The following ADAMTS17 variants were observed in gnomAD, a reference collection of about 807,000 sequenced individuals.
The protein encoded by ADAMTS17 is A disintegrin and metalloproteinase with thrombospondin motifs 17.
A neutral mutation model predicts 141.5 loss-of-function variants in ADAMTS17; 113 were observed. That is an observed-to-expected ratio of 0.80 (90% CI 0.69 to 0.93). The LOEUF (loss-of-function observed/expected upper bound fraction) is 0.93. Among genes scored for constraint, ADAMTS17 ranks in the 40% least tolerant of loss-of-function variants. The pLI, the probability that ADAMTS17 is intolerant of heterozygous loss-of-function variation, is 0.00. For synonymous variants in ADAMTS17, 768 were observed against 630.6 expected (o/e 1.22, Z -3.27); for missense variants, 1,659 against 1,517.9 (o/e 1.09, Z -1.54).
intron 5 of ADAMTS17, among the ~76,000 whole-genome samples, 188 bp downstream of exon 5, chr15:100,262,164 T>G (rs1003897965): frequency 2.0e-5 from 3 of 152,030 alleles, no homozygotes; most frequent in African/African-American, 7.3e-5. Flanking sequence ...TTCCCTGAGA[T>G]TCTCAACAGC....
chr15:100,182,292 T>C (rs77266716), intron 8 of ADAMTS17, among the ~76,000 whole-genome samples: 5,526 of 152,134 alleles, frequency 0.036, 165 homozygotes, highest in East Asian at 0.17. Flanking sequence ...TATAAAATGA[T>C]CAGATCTGGT....
In ADAMTS17 at chr15:99,978,356, G is replaced by C. The variant is rs111525734; in HGVS notation, c.2950-2134C>G. Among the ~76,000 whole-genome samples the C allele has an allele frequency of 2.9e-3, 438 of 152,244 alleles. 2 individuals carry two copies. The highest frequency in any genetic ancestry group is 9.1e-3 in the African/African-American group (377 of 41,520). On this transcript the variant is annotated intron_variant, in intron 20 of 21. Coordinates refer to ENST00000268070, the MANE Select transcript of ADAMTS17 (RefSeq NM_139057.4). Reference sequence around the variant, plus strand: ...TTCAGAGGGAATGTTGCTCTAAAGGGGCACTGCTTTTTTCAGCTCACAAAG... The same window carrying C: ...TTCAGAGGGAATGTTGCTCTAAAGGCGCACTGCTTTTTTCAGCTCACAAAG...
At chr15:100,310,786 G>C (rs917746583) in intron 3 of ADAMTS17, among the ~76,000 whole-genome samples, 16 of 152,174 alleles carry the variant, frequency 1.1e-4, no homozygotes, top group Non-Finnish European at 2.4e-4. Flanking sequence ...ACGGCAGGGG[G>C]TTTGATCTAC....
At chr15:100,092,920 G>A (rs185168156) in intron 15 of ADAMTS17, among the ~76,000 whole-genome samples, 2 of 152,188 alleles carry the variant, frequency 1.3e-5, no homozygotes, top group Admixed American at 6.5e-5. Context: ...GGAGCAGGGC[G>A]GAATAAAGAT....
intron 8 of ADAMTS17, among the ~76,000 whole-genome samples, chr15:100,157,185 C>A (rs1475587346): frequency 2.0e-5 from 3 of 152,164 alleles, no homozygotes; most frequent in African/African-American, 7.2e-5. Context: ...CCAATCACCT[C>A]CCAGCGGGTC....
At chr15:100,053,711 C>T (rs1164938000) in intron 16 of ADAMTS17, among the ~76,000 whole-genome samples, 186 bp downstream of exon 16, 1 of 152,102 alleles carries the variant, frequency 6.6e-6, no homozygotes, top group African/African-American at 2.4e-5. Context: ...GCAAGTTGTG[C>T]AAGGGACTGG....
chr15:100,157,888 CTT>C (rs1215411149), intron 8 of ADAMTS17, among the ~76,000 whole-genome samples: 7 of 141,404 alleles, frequency 5.0e-5, no homozygotes, highest in Non-Finnish European at 7.7e-5. Flanking sequence ...TAGCTATATT[CTT>C]TTTTTTTTTT....
At chr15:100,236,021 C>A (rs945941742) in intron 7 of ADAMTS17, among the ~76,000 whole-genome samples, 1 of 152,042 alleles carries the variant, frequency 6.6e-6, no homozygotes, top group African/African-American at 2.4e-5. Context: ...GGGGTAAATT[C>A]GATTCCTTGC....
chr15:100,252,306 C>G (rs2043179469), intron 7 of ADAMTS17, among the ~76,000 whole-genome samples: 1 of 152,158 alleles, frequency 6.6e-6, no homozygotes, highest in African/African-American at 2.4e-5. Flanking sequence ...TTCATTCATT[C>G]AGTTCTTCAT....
In ADAMTS17 at chr15:99,997,892, T is replaced by C. The variant is rs112248318; in HGVS notation, c.2592-303A>G. Among the ~76,000 whole-genome samples the C allele has an allele frequency of 7.8e-3, 1,194 of 152,190 alleles. 19 individuals carry two copies. The highest frequency in any genetic ancestry group is 0.027 in the African/African-American group (1,120 of 41,542). On this transcript the variant is annotated intron_variant, in intron 18 of 21. Transcript: ENST00000268070. This position sits in a 1 kb window ranked among gnomAD's most constrained non-coding sequence, Gnocchi z 4.7. ...GGAATTACGTATCTGCTTGTCGTCA[T>C]AGGACCTGCTTCTTTCGACAGGGTG...
At chr15:100,292,134 G>GTGGGGAGTCATGAGAGACGCTCAGCCCA (rs2044649650) in intron 3 of ADAMTS17, among the ~76,000 whole-genome samples, 2 of 151,076 alleles carry the variant, frequency 1.3e-5, no homozygotes, top group African/African-American at 4.9e-5. Context: ...CGCTCAGCCC[G>GTGGGGAGTCATGAGAGACGCTCAGCCCA]TGGGGAGTCA....
rs895585112 is a variant in ADAMTS17 at position 100,116,155 on chromosome 15, A to C, written c.1888+692T>G. Among the ~76,000 whole-genome samples, 8 of 151,492 alleles carry C rather than the reference A, an allele frequency of 5.3e-5. No individual in the cohort carries two copies. In the East Asian group the frequency reaches 1.5e-3, roughly 29 times the overall value. The stretch of plus-strand genomic sequence containing the variant: ...GGTAAAAAAAAAAAAAAAAAAAAAA[A>C]AAACCCAACAACCCTGAAGCGGGTC... On this transcript the variant is annotated intron_variant, in intron 13 of 21. Coordinates refer to ENST00000268070, the MANE Select transcript of ADAMTS17 (RefSeq NM_139057.4).
chr15:99,995,744 C>T (rs1345520195), intron 19 of ADAMTS17, among the ~76,000 whole-genome samples: 6 of 152,188 alleles, frequency 3.9e-5, no homozygotes, highest in South Asian at 2.1e-4. Context: ...GACTTCAGCA[C>T]GTGGGAAGCG....
chr15:100,341,328 G>A lies in ADAMTS17; in HGVS notation c.161C>T (p.Pro54Leu), dbSNP rs971548328. ...CCGCCGTCGGGGCCCGGGGGCTGCG[G>A]GCAGCGGCGGCAGGTGCACGTCGTC... is the stretch of plus-strand genomic sequence containing the variant. ...RPDDVHLPPL[P>L]AAPGPRRRRR... The change falls in exon 2 of 22, where the codon CCC becomes CTC. Residue 54 changes from proline (P) to leucine (L), a missense_variant. By Grantham distance (98) the Pro-to-Leu change is moderately conservative (BLOSUM62 -3). Transcript: ENST00000268070. The A allele has an allele frequency of 1.6e-5, 16 of 1,024,692 alleles. No homozygotes were observed. Among genetic ancestry groups the A allele is most frequent in the South Asian group, 1.3e-4 (3 of 22,552 alleles). The allele number at this position is 1,024,692 out of a possible 1,614,324, so 63.5% of individuals were successfully genotyped here.
At chr15:100,238,529 G>T (rs1378231827) in intron 7 of ADAMTS17, among the ~76,000 whole-genome samples, 1 of 152,210 alleles carries the variant, frequency 6.6e-6, no homozygotes, top group Non-Finnish European at 1.5e-5. Context: ...CCTGAACACA[G>T]AATCTGTGAT....
chr15:100,245,962 AC>A (rs2042974412), intron 7 of ADAMTS17, among the ~76,000 whole-genome samples: 1 of 151,486 alleles, frequency 6.6e-6, no homozygotes. Flanking sequence ...ATGTTTATTC[AC>A]CCCAGTCACT....
chr15:100,327,090 G>T (rs533550553), intron 3 of ADAMTS17, among the ~76,000 whole-genome samples: 1 of 152,266 alleles, frequency 6.6e-6, no homozygotes, highest in South Asian at 2.1e-4. Flanking sequence ...CCTTGGCGAT[G>T]ACCTTGAGCA....
chr15:100,009,565 G>C (rs1449153743), intron 18 of ADAMTS17, among the ~76,000 whole-genome samples: 2 of 152,164 alleles, frequency 1.3e-5, no homozygotes, highest in Non-Finnish European at 2.9e-5. Context: ...TCACAGGCTT[G>C]TTGGAGGCGT....
intron 7 of ADAMTS17, among the ~76,000 whole-genome samples, chr15:100,224,324 G>GGGTA (rs1011569034): frequency 6.0e-4 from 91 of 152,282 alleles, no homozygotes; most frequent in African/African-American, 2.0e-3. Flanking sequence ...GGAGGGTGGG[G>GGGTA]GGTACAGATA....
Sources: gnomAD v4.1 joint callset for allele counts (sites outside exome capture counted in the v4.1 genomes callset) on GRCh38, gnomAD v4.1.1 for gene constraint, Gnocchi (gnomAD v3.1) non-coding constraint, MANE v1.5 for transcripts, NCBI Gene and HGNC (gene_info 2026-07-23, HGNC 2026-07-21) for gene names.